Variants in WWOX observed in about 807,000 individuals in gnomAD.
WWOX encodes WW domain containing oxidoreductase, also known as WW domain-containing oxidoreductase.
Under a neutral mutation model 46.2 loss-of-function variants are expected in WWOX, and 69 were observed. The observed-to-expected ratio is 1.49, with a 90% confidence interval of 1.23 to 1.82. WWOX has a LOEUF of 1.82. Ranked by LOEUF, WWOX falls within the 40% of genes most tolerant of loss-of-function variation. WWOX has a pLI of 0.00. For missense variants in WWOX, 919 were observed against 542.6 expected (o/e 1.69, Z -6.89); for synonymous variants, 359 against 202.6 (o/e 1.77, Z -6.56).
chr16:78,768,717 G>A (rs557685077), intron 8 of WWOX, among the ~76,000 whole-genome samples: 4 of 152,184 alleles, frequency 2.6e-5, no homozygotes, highest in Admixed American at 1.3e-4. Flanking sequence ...ATTGCCCAGC[G>A]TTTTAATTAT....
rs115371086 is a variant in WWOX at position 78,813,563 on chromosome 16, G to T, written c.1056+380811G>T. On this transcript the variant is annotated intron_variant, in intron 8 of 8. Transcript: ENST00000566780. Reference sequence around the variant, plus strand: ...CTGGCTTTGATGTATGTATATGTGGGCAGGAATGTGTGTGCGTGTGTGTGT... The same window carrying T: ...CTGGCTTTGATGTATGTATATGTGGTCAGGAATGTGTGTGCGTGTGTGTGT... Among the ~76,000 whole-genome samples the T allele has an allele frequency of 7.2e-3, 1,095 of 152,140 alleles. 14 individuals carry two copies. The highest frequency in any genetic ancestry group is 0.026 in the African/African-American group (1,066 of 41,508).
At chr16:78,809,743 T>A (rs1256991082) in intron 8 of WWOX, among the ~76,000 whole-genome samples, 1 of 152,104 alleles carries the variant, frequency 6.6e-6, no homozygotes, top group African/African-American at 2.4e-5. Flanking sequence ...TCATGACAAT[T>A]TCTCAAAGCT....
chr16:79,020,640 G>A (rs912925306), intron 8 of WWOX, among the ~76,000 whole-genome samples: 1 of 152,154 alleles, frequency 6.6e-6, no homozygotes, highest in Non-Finnish European at 1.5e-5. Context: ...TGGGGAAGGG[G>A]ACATTTCAGG....
intron 8 of WWOX, among the ~76,000 whole-genome samples, chr16:78,685,342 AT>A (rs201279735): frequency 8.6e-5 from 13 of 151,632 alleles, no homozygotes; most frequent in South Asian, 4.2e-4. Context: ...TCATTCTGTG[AT>A]TTTTTTTTGT....
chr16:78,749,441 A>T (rs540789164), intron 8 of WWOX, among the ~76,000 whole-genome samples: 154 of 152,350 alleles, frequency 1.0e-3, no homozygotes, highest in Non-Finnish European at 1.8e-3. Context: ...AGAGAGACCC[A>T]AAATAGTCAA....
At position 78,499,874 on chromosome 16, in the gene WWOX, C is replaced by T. The variant is rs190807171; in HGVS notation, c.1056+67122C>T. Among the ~76,000 whole-genome samples the T allele has an allele frequency of 2.2e-3, 335 of 152,294 alleles. 2 individuals are homozygous for T. Among genetic ancestry groups the T allele is most frequent in the Non-Finnish European group, 3.9e-3 (267 of 68,036 alleles). ...ATGCCATGGACCCCTCCCTTACATT[C>T]CGTCTTTAATGTGCTATAAATAGAC... On this transcript the variant is annotated intron_variant, in intron 8 of 8. Transcript: ENST00000566780.
At chr16:78,877,967 G>A (rs1024219002) in intron 8 of WWOX, among the ~76,000 whole-genome samples, 6 of 152,214 alleles carry the variant, frequency 3.9e-5, no homozygotes, top group Non-Finnish European at 7.3e-5. Context: ...ATCCCCTCTT[G>A]TGCCTTTTAC....
intron 8 of WWOX, among the ~76,000 whole-genome samples, chr16:78,465,720 G>A (rs967277864): frequency 6.6e-6 from 1 of 152,128 alleles, no homozygotes; most frequent in Non-Finnish European, 1.5e-5. Flanking sequence ...TAATTGCCCA[G>A]GTAAATAATA....
At chr16:79,112,484 C>A (rs929815099) in intron 8 of WWOX, among the ~76,000 whole-genome samples, 5 of 152,098 alleles carry the variant, frequency 3.3e-5, no homozygotes, top group Admixed American at 3.3e-4. Flanking sequence ...GCCTTTTGAC[C>A]CTTCTCCTTC....
chr16:78,713,361 A>G (rs2048487555), intron 8 of WWOX, among the ~76,000 whole-genome samples: 1 of 150,710 alleles, frequency 6.6e-6, no homozygotes, highest in South Asian at 2.1e-4. Context: ...GTAGACAACT[A>G]GTTCATGGTA....
chr16:78,819,214 C>G (rs2051426132), intron 8 of WWOX, among the ~76,000 whole-genome samples: 2 of 152,182 alleles, frequency 1.3e-5, no homozygotes, highest in Admixed American at 1.3e-4. Flanking sequence ...AGCCCCGGCT[C>G]AGCAGGCCAG....
chr16:78,519,659 G>A (rs966406899), intron 8 of WWOX, among the ~76,000 whole-genome samples: 1 of 152,038 alleles, frequency 6.6e-6, no homozygotes, highest in Non-Finnish European at 1.5e-5. Context: ...ATAAGGTCCT[G>A]GGGGCGGAGG....
chr16:78,216,023 A>G (rs1290813367), intron 5 of WWOX, among the ~76,000 whole-genome samples: 1 of 152,168 alleles, frequency 6.6e-6, no homozygotes, highest in Admixed American at 6.5e-5. Flanking sequence ...TCCTGGCAGG[A>G]CAGTGAATAA....
intron 5 of WWOX, among the ~76,000 whole-genome samples, chr16:78,203,578 A>G (rs1376139044): frequency 6.6e-6 from 1 of 152,182 alleles, no homozygotes; most frequent in Non-Finnish European, 1.5e-5. Context: ...TTTAGTTGAC[A>G]AGAAGACCGT....
At chr16:79,127,594 C>T (rs1186140160) in intron 8 of WWOX, among the ~76,000 whole-genome samples, 1 of 152,194 alleles carries the variant, frequency 6.6e-6, no homozygotes, top group Non-Finnish European at 1.5e-5. Context: ...ACATCGCTTC[C>T]CACGTGCATG....
chr16:78,593,968 A>T (rs976797441), intron 8 of WWOX, among the ~76,000 whole-genome samples: 1 of 152,180 alleles, frequency 6.6e-6, no homozygotes, highest in African/African-American at 2.4e-5. Flanking sequence ...CACTATCATT[A>T]TATCCAACTT....
chr16:78,830,613 A>G (rs1298015166), intron 8 of WWOX, among the ~76,000 whole-genome samples: 2 of 151,952 alleles, frequency 1.3e-5, no homozygotes, highest in East Asian at 1.9e-4. Flanking sequence ...CCTTCAGACA[A>G]TCGAAAAATT....
chr16:78,459,361 G>A (rs1158508582), intron 8 of WWOX, among the ~76,000 whole-genome samples: 1 of 152,146 alleles, frequency 6.6e-6, no homozygotes. Flanking sequence ...CCCTTTTCTT[G>A]CATAAGTAAC....
At chr16:78,591,626 T>C (rs2045354434) in intron 8 of WWOX, among the ~76,000 whole-genome samples, 1 of 152,138 alleles carries the variant, frequency 6.6e-6, no homozygotes, top group Non-Finnish European at 1.5e-5. Flanking sequence ...GTTGCTTGAG[T>C]TCTCTGAGTC....
Sources: allele counts gnomAD v4.1 joint callset (sites outside exome capture counted in the v4.1 genomes callset), GRCh38; gene constraint gnomAD v4.1.1; transcripts MANE v1.5; gene names NCBI Gene and HGNC (gene_info 2026-07-23, HGNC 2026-07-21).